Variants in HIVEP2 observed in about 807,000 individuals in gnomAD.
The protein encoded by HIVEP2 is transcription factor HIVEP2.
Under a neutral mutation model 180.7 loss-of-function variants are expected in HIVEP2, and 14 were observed. The ratio of observed to expected loss-of-function variants is 0.08; its 90% CI spans 0.05 to 0.12. The LOEUF is 0.12. Among genes scored for constraint, HIVEP2 ranks in the 10% least tolerant of loss-of-function variants. HIVEP2 has a pLI of 1.00. For synonymous variants in HIVEP2, 1,184 were observed against 1,136.4 expected (o/e 1.04, Z -0.84); for missense variants, 2,579 against 3,008.5 (o/e 0.86, Z 3.34).
At chr6:142,924,228 A>T (rs1409203048) in intron 1 of HIVEP2, among the ~76,000 whole-genome samples, 1 of 152,182 alleles carries the variant, frequency 6.6e-6, no homozygotes, top group Non-Finnish European at 1.5e-5. Flanking sequence ...CACTTTTTTA[A>T]ACCTCTTACC....
chr6:142,760,103 C>G lies in HIVEP2; in HGVS notation c.6185G>C (p.Arg2062Thr), dbSNP rs769960301. Residue 2062 changes from arginine to threonine, a missense_variant, in exon 9 of 10, where the codon AGG (arginine) becomes ACG (threonine). Coordinates refer to ENST00000367603, the MANE Select transcript of HIVEP2 (RefSeq NM_006734.4). ...SSPCRDNSPK[R>T]YLIPKGDLSP... Reference sequence around the variant, plus strand: ...TAAATCTCCTTTGGGTATCAGATACCTCTTTGGTGAATTATCTCGACAGGG... The same window carrying G: ...TAAATCTCCTTTGGGTATCAGATACGTCTTTGGTGAATTATCTCGACAGGG... 5.6e-6 allele frequency: 9 copies of G among 1,613,954 alleles called. No homozygotes were observed. The South Asian group carries it at 8.8e-5, about 16-fold the overall frequency.
At chr6:142,755,569 A>C (rs1775044035) in intron 9 of HIVEP2, among the ~76,000 whole-genome samples, 1 of 152,176 alleles carries the variant, frequency 6.6e-6, no homozygotes, top group Admixed American at 6.5e-5. Context: ...GCATACAACC[A>C]GTCAGAATGT....
At chr6:142,811,493 G>T (rs1195677408) in intron 2 of HIVEP2, among the ~76,000 whole-genome samples, 3 of 151,912 alleles carry the variant, frequency 2.0e-5, no homozygotes, top group Non-Finnish European at 4.4e-5. Flanking sequence ...TGCATGTCAC[G>T]AGTGTTTCCC....
At chr6:142,759,337 A>C (rs1775160408) in intron 9 of HIVEP2, among the ~76,000 whole-genome samples, 1 of 152,138 alleles carries the variant, frequency 6.6e-6, no homozygotes, top group Non-Finnish European at 1.5e-5. Context: ...TTTAAAAATA[A>C]AAGTTTTGGA....
At chr6:142,894,323 T>G (rs750479513) in intron 1 of HIVEP2, among the ~76,000 whole-genome samples, 5 of 152,200 alleles carry the variant, frequency 3.3e-5, no homozygotes, top group Non-Finnish European at 7.3e-5. Context: ...AATATAGTTT[T>G]AATTAATTTC....
intron 2 of HIVEP2, among the ~76,000 whole-genome samples, chr6:142,790,407 A>G (rs1026829409): frequency 6.6e-6 from 1 of 152,182 alleles, no homozygotes; most frequent in Non-Finnish European, 1.5e-5. Flanking sequence ...TAGGTAAATA[A>G]CTACTTCTAG....
At chr6:142,885,053 G>GT (rs1776661974) in intron 1 of HIVEP2, among the ~76,000 whole-genome samples, 1 of 152,108 alleles carries the variant, frequency 6.6e-6, no homozygotes, top group African/African-American at 2.4e-5. Flanking sequence ...CAAAATCTCT[G>GT]TTTTTATACA....
intron 5 of HIVEP2, 69 bp downstream of exon 5, chr6:142,769,483 C>A: frequency 7.4e-7 from 1 of 1,354,280 alleles, no homozygotes; most frequent in Non-Finnish European, 1.0e-6. Flanking sequence ...GCCTTATATC[C>A]TTCACTATGT....
At chr6:142,824,748 A>G (rs531623375) in intron 2 of HIVEP2, among the ~76,000 whole-genome samples, 2 of 152,298 alleles carry the variant, frequency 1.3e-5, no homozygotes, top group South Asian at 2.1e-4. Context: ...TAATTGACCA[A>G]CTTGGAAATC....
chr6:142,862,789 CATATA>C (rs1356139656), intron 1 of HIVEP2, among the ~76,000 whole-genome samples: 1 of 130,350 alleles, frequency 7.7e-6, no homozygotes, highest in Non-Finnish European at 1.5e-5. Context: ...AATTATATTA[CATATA>C]ATATATTTAG....
At chr6:142,859,371 G>A (rs1775909127) in intron 1 of HIVEP2, among the ~76,000 whole-genome samples, 1 of 151,674 alleles carries the variant, frequency 6.6e-6, no homozygotes, top group African/African-American at 2.4e-5. Flanking sequence ...TGAGATGGGA[G>A]GATCACTTCA....
chr6:142,774,102 C>T lies in HIVEP2; in HGVS notation c.637G>A (p.Gly213Arg), dbSNP rs1775627948. 6.2e-7 allele frequency: 1 copy of T among 1,614,110 alleles called. No homozygotes were observed. Among genetic ancestry groups the T allele is most frequent in the African/African-American group, 1.3e-5 (1 of 74,936 alleles). Residue 213 changes from glycine (G) to arginine (R), a missense_variant, in exon 5 of 10, where the codon GGG becomes AGG. Around this residue, in one of 11 missense-constraint regions of HIVEP2, gnomAD observed 26 missense variants for 76.9 expected, o/e 0.34. Coordinates refer to ENST00000367603, the MANE Select transcript of HIVEP2 (RefSeq NM_006734.4). This position sits in a 1 kb window ranked among gnomAD's most constrained non-coding sequence, Gnocchi z 5.1. ...VLKKHIRSHT[G>R]ERPYPCIPCG... The stretch of plus-strand genomic sequence containing the variant: ...GGTATACATGGATATGGCCGCTCCC[C>T]AGTATGGGACCTGATGTGTTTTTTC...
In HIVEP2 at chr6:142,772,940, G is replaced by A. The variant is rs369311467; in HGVS notation, c.1799C>T (p.Ser600Leu). The change falls in exon 5 of 10, where the codon TCG becomes TTG. Residue 600 changes from serine to leucine, a missense_variant. By Grantham distance (145) the Ser-to-Leu change is moderately radical. Around this residue, in one of 11 missense-constraint regions of HIVEP2, gnomAD observed 524 missense variants for 563.6 expected, o/e 0.93. Coordinates refer to ENST00000367603, the MANE Select transcript of HIVEP2 (RefSeq NM_006734.4). This position sits in a 1 kb window ranked among gnomAD's most constrained non-coding sequence, Gnocchi z 4.9. ...LRRQAAFELP[S>L]VQEGHVEVEH... The stretch of plus-strand genomic sequence containing the variant: ...GACTTCCACGTGGCCCTCCTGTACC[G>A]AAGGCAGCTCAAATGCCGCTTGTCT... 11 of 1,614,020 alleles carry A rather than the reference G, an allele frequency of 6.8e-6. No homozygotes were observed. The highest frequency in any genetic ancestry group is 1.7e-5 in the Admixed American group (1 of 60,006).
chr6:142,817,797 T>A (rs988518989), intron 2 of HIVEP2, among the ~76,000 whole-genome samples: 5 of 152,082 alleles, frequency 3.3e-5, no homozygotes, highest in Non-Finnish European at 7.4e-5. Context: ...AGCAGGGGGA[T>A]AGCCTGAGGT....
Position 142,760,083 on chromosome 6 carries a change from C to T in HIVEP2, c.6205G>A (p.Asp2069Asn). 1 of 1,614,116 alleles carries T rather than the reference C, an allele frequency of 6.2e-7. No homozygotes were observed. Among genetic ancestry groups the T allele is most frequent in the Non-Finnish European group, 8.5e-7 (1 of 1,179,998 alleles). The change falls in exon 9 of 10, where the codon GAT (aspartate) becomes AAT (asparagine). Residue 2069 changes from aspartate (D) to asparagine (N), a missense_variant. Transcript: ENST00000367603. ...GATAAATGTCTCCTGGGAGATAAAT[C>T]TCCTTTGGGTATCAGATACCTCTTT... The part of the protein sequence containing the change: ...SPKRYLIPKG[D>N]LSPRRHLSPR...
At chr6:142,836,207 A>AT (rs1236775419) in intron 2 of HIVEP2, among the ~76,000 whole-genome samples, 1 of 152,138 alleles carries the variant, frequency 6.6e-6, no homozygotes, top group South Asian at 2.1e-4. Context: ...GTTTGCTTGG[A>AT]TTTTTTAAAA....
chr6:142,879,393 T>C (rs1332671147), intron 1 of HIVEP2, among the ~76,000 whole-genome samples: 2 of 152,172 alleles, frequency 1.3e-5, no homozygotes, highest in Non-Finnish European at 2.9e-5. Context: ...AACATGGATG[T>C]TGAATGTTGA....
At chr6:142,809,178 C>T (rs1338507183) in intron 2 of HIVEP2, among the ~76,000 whole-genome samples, 4 of 152,070 alleles carry the variant, frequency 2.6e-5, no homozygotes, top group South Asian at 2.1e-4. Flanking sequence ...AATGGACCTA[C>T]GTCAGCTTTA....
rs1778035040 is a variant in HIVEP2 at position 142,935,649 on chromosome 6, G to A, written c.-641+9450C>T. On this transcript the variant is annotated intron_variant, in intron 1 of 9. Transcript: ENST00000367603. ...GCTCCTGGAGGATCTCCTTCATCTG[G>A]TTCTCATGGCCCCCATCTTATAGTG... 2.6e-5 allele frequency among the ~76,000 whole-genome samples: 4 copies of A among 152,248 alleles called. No individual in the cohort carries two copies. In the South Asian group the frequency reaches 8.3e-4, roughly 32 times the overall value.
Sources: allele counts gnomAD v4.1 joint callset (sites outside exome capture counted in the v4.1 genomes callset), GRCh38; gene constraint gnomAD v4.1.1; regional missense constraint gnomAD v4.1.1; non-coding constraint Gnocchi (gnomAD v3.1); transcripts MANE v1.5; gene names NCBI Gene and HGNC (gene_info 2026-07-23, HGNC 2026-07-21).